The following NAV3 variants were observed in gnomAD, a reference collection of about 807,000 sequenced individuals.
The protein encoded by NAV3 is pore membrane and/or filament interacting like protein 1.
In NAV3, 87 loss-of-function variants were observed where a neutral mutation model predicts 244.7. The observed-to-expected ratio is 0.36, with a 90% CI of 0.30 to 0.42. The LOEUF is 0.42. Among genes scored for constraint, NAV3 ranks in the 20% least tolerant of loss-of-function variants. The probability of loss-of-function intolerance (pLI) is 1.00; values close to 1 mark genes in which losing one functional copy is unlikely to be tolerated. For synonymous variants in NAV3, 1,126 were observed against 1,042.2 expected, an observed-to-expected ratio of 1.08 and a Z score of -1.55; for missense variants, 2,663 against 2,893.3, an observed-to-expected ratio of 0.92 and a Z score of 1.83.
At chr12:77,942,847 G>T (rs998822845) in intron 3 of NAV3, among the ~76,000 whole-genome samples, 3 of 152,162 alleles carry the variant, frequency 2.0e-5, no homozygotes, top group Non-Finnish European at 4.4e-5. Context: ...CCTGTTAAAA[G>T]ATTTTTAAGG....
At chr12:77,806,408 T>A (rs967921231) in intron 2 of NAV3, among the ~76,000 whole-genome samples, 6 of 152,202 alleles carry the variant, frequency 3.9e-5, no homozygotes, top group African/African-American at 1.4e-4. Context: ...TATTTCTGCC[T>A]TCATTTTGTT....
At chr12:77,941,909 T>TTA (rs1889907930) in intron 3 of NAV3, among the ~76,000 whole-genome samples, 1 of 152,202 alleles carries the variant, frequency 6.6e-6, no homozygotes, top group Admixed American at 6.5e-5. Context: ...CAGCACAGAA[T>TTA]AGGCATTTTA....
rs1255341785 is a variant in NAV3 at position 77,702,451 on chromosome 12, T to C, written c.72+130185T>C. On this transcript the variant is annotated intron_variant, in intron 2 of 8. Transcript: ENST00000550042. ...GTATATTAAAATATTTACATTGTAT[T>C]TATTCTTACTCTGGAAATAAGTTTA... Among the ~76,000 whole-genome samples, 3 of 152,182 alleles carry C rather than the reference T, an allele frequency of 2.0e-5. No homozygotes were observed. The East Asian group carries it at 5.8e-4, about 29-fold the overall frequency.
At chr12:78,013,203 C>T (rs1331474093) in intron 8 of NAV3, among the ~76,000 whole-genome samples, 1 of 152,122 alleles carries the variant, frequency 6.6e-6, no homozygotes, top group African/African-American at 2.4e-5. Context: ...ATGCATGAGA[C>T]ATCAAGAATT....
At chr12:78,128,267 T>TAAAAA (rs33971273) in intron 17 of NAV3, among the ~76,000 whole-genome samples, 9 of 142,534 alleles carry the variant, frequency 6.3e-5, no homozygotes, top group Non-Finnish European at 7.6e-5. Context: ...GTTTTTCCTT[T>TAAAAA]AAAAAAAAAA....
At chr12:77,895,981 A>G (rs927082533) in intron 1 of NAV3, among the ~76,000 whole-genome samples, 1 of 137,646 alleles carries the variant, frequency 7.3e-6, no homozygotes, top group Non-Finnish European at 1.6e-5. Context: ...AAAAAAAAAG[A>G]GGAACTCTTT....
Position 77,948,680 on chromosome 12 carries a change from G to GCC in NAV3, c.414+7553_414+7554dup, listed in dbSNP as rs148302246. ...ACTTATTGCTCCTTCTTTTTCAATT[G>GCC]CCCCCCCACCACTGCCAAACTTAAT... On this transcript the variant is annotated intron_variant, in intron 3 of 39. Transcript: ENST00000397909. Among the ~76,000 whole-genome samples the GCC allele has an allele frequency of 7.4e-3, 972 of 131,236 alleles. 14 individuals carry two copies. Among genetic ancestry groups the GCC allele is most frequent in the African/African-American group, 0.013 (469 of 34,982 alleles). 86.1% of individuals were successfully genotyped at this position (131,236 alleles called of 152,430 possible).
intron 13 of NAV3, among the ~76,000 whole-genome samples, chr12:78,117,157 G>GTA (rs1271535818): frequency 2.6e-4 from 3 of 11,614 alleles, no homozygotes; most frequent in Admixed American, 3.7e-3. Context: ...AACAGAAGCA[G>GTA]CATATATATA....
At chr12:77,641,488 A>C (rs780134206) in intron 2 of NAV3, among the ~76,000 whole-genome samples, 4 of 152,196 alleles carry the variant, frequency 2.6e-5, no homozygotes, top group Admixed American at 1.3e-4. Context: ...TAATTGAAAT[A>C]GTAGAAATAA....
chr12:77,966,449 C>T (rs1892523522), intron 4 of NAV3, 148 bp downstream of exon 4: 3 of 658,946 alleles, frequency 4.6e-6, no homozygotes, highest in Non-Finnish European at 7.7e-6. Flanking sequence ...GAAACATAAA[C>T]ATAATGGTTA....
intron 2 of NAV3, among the ~76,000 whole-genome samples, chr12:77,707,187 T>G (rs1023291362): frequency 6.6e-6 from 1 of 151,602 alleles, no homozygotes; most frequent in African/African-American, 2.4e-5. Flanking sequence ...TAGGTACATC[T>G]CCTAATGCTA....
intron 24 of NAV3, among the ~76,000 whole-genome samples, chr12:78,173,665 T>C (rs372115319): frequency 6.6e-6 from 1 of 151,564 alleles, no homozygotes; most frequent in East Asian, 1.9e-4. Flanking sequence ...AAGTTGGTAA[T>C]GTTTTGGCAT....
Position 77,924,563 on chromosome 12 carries a change from G to A in NAV3, c.244-15756G>A, listed in dbSNP as rs535549571. On this transcript the variant is annotated intron_variant, in intron 1 of 39. Coordinates refer to ENST00000397909, the MANE Select transcript of NAV3 (RefSeq NM_001024383.2). ...CGCTTGGGTCAACTCTTCACAAAAA[G>A]TAGTTTTTGCACAGTCATTAATTTT... 2.4e-3 allele frequency among the ~76,000 whole-genome samples: 360 copies of A among 152,244 alleles called. 2 individuals are homozygous for A. The highest frequency in any genetic ancestry group is 8.0e-3 in the African/African-American group (334 of 41,554).
intron 1 of NAV3, among the ~76,000 whole-genome samples, chr12:77,859,325 T>G (rs1878855559): frequency 6.6e-6 from 1 of 152,086 alleles, no homozygotes; most frequent in Non-Finnish European, 1.5e-5. Context: ...TGGAAACTAC[T>G]ACTGTAAACG....
At chr12:77,631,470 GAA>G (rs199783357) in intron 2 of NAV3, among the ~76,000 whole-genome samples, 18 of 134,856 alleles carry the variant, frequency 1.3e-4, no homozygotes, top group East Asian at 4.3e-4. Flanking sequence ...TAATCTTTTG[GAA>G]AAAAAAAAAA....
At chr12:77,585,658 C>T (rs1325988247) in intron 2 of NAV3, among the ~76,000 whole-genome samples, 24 of 152,114 alleles carry the variant, frequency 1.6e-4, no homozygotes. Context: ...CTCACTCCTA[C>T]GAGAACCTAA....
chr12:78,134,710 G>A (rs1956299676), intron 18 of NAV3, among the ~76,000 whole-genome samples: 1 of 152,096 alleles, frequency 6.6e-6, no homozygotes, highest in South Asian at 2.1e-4. Context: ...TATGATCGTG[G>A]CACTGCATAC....
At chr12:77,670,729 A>G (rs540556073) in intron 2 of NAV3, among the ~76,000 whole-genome samples, 430 of 152,292 alleles carry the variant, frequency 2.8e-3, no homozygotes, top group South Asian at 0.01. Context: ...ATTTGACAAA[A>G]TCCAGCATCC....
chr12:77,824,770 G>C (rs981862263), intron 2 of NAV3, among the ~76,000 whole-genome samples: 3 of 151,980 alleles, frequency 2.0e-5, no homozygotes, highest in Non-Finnish European at 4.4e-5. Context: ...GTGTGTGCCT[G>C]TAATCCAAGC....
Sources: gnomAD v4.1 joint callset for allele counts (sites outside exome capture counted in the v4.1 genomes callset) on GRCh38, gnomAD v4.1.1 for gene constraint, MANE v1.5 for transcripts, NCBI Gene and HGNC (gene_info 2026-07-23, HGNC 2026-07-21) for gene names.